Variants in FBLN2 observed in about 807,000 individuals in gnomAD.
The protein encoded by FBLN2 is fibulin-2.
In FBLN2, 81 loss-of-function variants were observed where a neutral mutation model predicts 123.7. That is an observed-to-expected ratio of 0.65 (90% confidence interval 0.55 to 0.79). FBLN2 has a LOEUF of 0.79. FBLN2 is among the 30% of genes least tolerant of loss of function. The pLI is 0.00. For missense variants in FBLN2, 1,603 were observed against 1,681.3 expected (o/e 0.95, Z 0.81); for synonymous variants, 699 against 701.4 (o/e 1.00, Z 0.05).
At chr3:13,606,185 C>T (rs1389808042) in intron 2 of FBLN2, among the ~76,000 whole-genome samples, 1 of 152,218 alleles carries the variant, frequency 6.6e-6, no homozygotes, top group African/African-American at 2.4e-5. Context: ...AGGCGTGAAC[C>T]ACCACATCTG....
intron 2 of FBLN2, among the ~76,000 whole-genome samples, chr3:13,575,485 C>T (rs1487013825): frequency 6.6e-6 from 1 of 152,172 alleles, no homozygotes; most frequent in South Asian, 2.1e-4. Flanking sequence ...TTTGCTGGGT[C>T]CCCTGCCAGA....
rs568334539 is a variant in FBLN2 at position 13,625,214 on chromosome 3, G to A, written c.2297-1231G>A. 3.3e-5 allele frequency among the ~76,000 whole-genome samples: 5 copies of A among 151,162 alleles called. No homozygotes were observed. In the South Asian group the frequency reaches 1.0e-3, roughly 32 times the overall value. ...TCTGTGGCCCGGGGGTGGTTTCTGA[G>A]TTGGTGGCCTCTGTGGCCTGGGGGT... is the stretch of plus-strand genomic sequence containing the variant. On this transcript the variant is annotated intron_variant, in intron 9 of 17. Coordinates refer to ENST00000404922, the MANE Select transcript of FBLN2 (RefSeq NM_001004019.2).
intron 1 of FBLN2, among the ~76,000 whole-genome samples, chr3:13,556,337 GGA>G (rs368626795): frequency 6.6e-6 from 1 of 151,468 alleles, no homozygotes; most frequent in Non-Finnish European, 1.5e-5. Context: ...AGCGGCGGAC[GGA>G]GAGAGAGAGA....
rs562942540 is a variant in FBLN2 at position 13,604,935 on chromosome 3, A to G, written c.1307-3127A>G. Among the ~76,000 whole-genome samples, 170 of 152,338 alleles carry G rather than the reference A, an allele frequency of 1.1e-3. 1 individual carries two copies. In the South Asian group the frequency reaches 0.032, roughly 29 times the overall value. On this transcript the variant is annotated intron_variant, in intron 2 of 17. Coordinates refer to ENST00000404922, the MANE Select transcript of FBLN2 (RefSeq NM_001004019.2). The stretch of plus-strand genomic sequence containing the variant: ...GCAGGTGCCGTCCTTCACGGCATCT[A>G]TCCCTCAGCCCTGTGCCCTTACGTG...
chr3:13,601,612 G>T (rs567718456), intron 2 of FBLN2, among the ~76,000 whole-genome samples: 2 of 152,326 alleles, frequency 1.3e-5, no homozygotes, highest in African/African-American at 4.8e-5. Context: ...GTTGCCCAGG[G>T]TCTCCTAGAT....
intron 12 of FBLN2, 26 bp from the exon 13 acceptor site, chr3:13,629,138 C>T (rs1290988498): frequency 3.7e-6 from 6 of 1,612,640 alleles, no homozygotes; most frequent in Non-Finnish European, 3.4e-6. Flanking sequence ...CCCCAGGCCT[C>T]AAGGTACCCT....
At chr3:13,550,919 T>A (rs2122498) in intron 1 of FBLN2, among the ~76,000 whole-genome samples, 147,923 of 152,340 alleles carry the variant, frequency 0.97, 71,839 homozygotes, top group East Asian at 1. Flanking sequence ...ATTAGCTGCC[T>A]GCATTTACAA....
rs752085624 is a variant in FBLN2 at position 13,634,242 on chromosome 3, C to G, written c.3215-2203C>G. On this transcript the variant is annotated intron_variant, in intron 16 of 17. Transcript: ENST00000404922. Reference sequence around the variant, plus strand: ...TTTTGCACATCTGAGTTGCGGCTGACCCTGGCTGTCTCTGATGAGGCTGTG... The same window carrying G: ...TTTTGCACATCTGAGTTGCGGCTGAGCCTGGCTGTCTCTGATGAGGCTGTG... 4.6e-5 allele frequency among the ~76,000 whole-genome samples: 7 copies of G among 152,356 alleles called. No individual in the cohort carries two copies. In the Middle Eastern group the frequency reaches 0.01, roughly 222 times the overall value.
In FBLN2 at chr3:13,573,894, CAAAAAAAAAAA is replaced by C. The variant is rs34768387; in HGVS notation, c.1306+2245_1306+2255del. Among the ~76,000 whole-genome samples the C allele has an allele frequency of 5.5e-5, 4 of 72,920 alleles. No homozygotes were observed. The East Asian group carries it at 1.5e-3, about 27-fold the overall frequency. 47.8% of individuals were successfully genotyped at this position (72,920 alleles called of 152,430 possible). ...CAGCCTGGGCGACAAGAGTGAAACT[CAAAAAAAAAAA>C]AAAAAAAAAAAGGGAACCACTGTGA... On this transcript the variant is annotated intron_variant, in intron 2 of 17. Transcript: ENST00000404922.
chr3:13,586,875 C>T (rs1189366926), intron 2 of FBLN2, among the ~76,000 whole-genome samples: 2 of 150,766 alleles, frequency 1.3e-5, no homozygotes, highest in Middle Eastern at 3.2e-3. Context: ...AGGCTGGGTG[C>T]GGTGGCTTAT....
At chr3:13,607,788 C>G (rs1332812659) in intron 2 of FBLN2, among the ~76,000 whole-genome samples, 1 of 152,100 alleles carries the variant, frequency 6.6e-6, no homozygotes, top group Non-Finnish European at 1.5e-5. Context: ...TGAGTGGCCC[C>G]CATAGAACTG....
chr3:13,552,597 G>C (rs1026157028), intron 1 of FBLN2, among the ~76,000 whole-genome samples: 1 of 152,142 alleles, frequency 6.6e-6, no homozygotes, highest in African/African-American at 2.4e-5. Context: ...CAGAGGCGCT[G>C]CTCCTGTATG....
chr3:13,606,322 A>C (rs1705202086), intron 2 of FBLN2, among the ~76,000 whole-genome samples: 1 of 152,238 alleles, frequency 6.6e-6, no homozygotes, highest in South Asian at 2.1e-4. Context: ...ATATGTCAGC[A>C]GTCTATTATA....
chr3:13,614,209 G>C (rs1419719906), intron 5 of FBLN2, 45 bp downstream of exon 5: 1 of 1,578,588 alleles, frequency 6.3e-7, no homozygotes, highest in African/African-American at 1.3e-5. Flanking sequence ...GGCGAAGGCT[G>C]GTTGACCTCT....
rs372642874 is a variant in FBLN2 at position 13,570,498 on chromosome 3, C to T, written c.143C>T (p.Ala48Val). ...CCGCTGGAGAACTGCATTGAGGAGG[C>T]GCTGGAGCCGGGTGCCTGCTGTGCC... Reference protein sequence around the residue: ...CPPLENCIEEALEPGACCATC... With the variant: ...CPPLENCIEEVLEPGACCATC... Residue 48 changes from alanine to valine, a missense_variant, in exon 2 of 18, where the codon GCG becomes GTG. Transcript: ENST00000404922. The T allele has an allele frequency of 6.1e-5, 96 of 1,584,390 alleles. 1 individual carries two copies. The highest frequency in any genetic ancestry group is 3.0e-4 in the South Asian group (26 of 86,698).
intron 7 of FBLN2, 46 bp downstream of exon 7, chr3:13,619,063 G>A: frequency 6.7e-7 from 1 of 1,481,694 alleles, no homozygotes; most frequent in Non-Finnish European, 9.3e-7. Context: ...CAGGGTCCAG[G>A]GGGTGGGTCT....
At chr3:13,613,429 A>G (rs1320354910) in intron 4 of FBLN2, among the ~76,000 whole-genome samples, 4 of 152,236 alleles carry the variant, frequency 2.6e-5, no homozygotes, top group Non-Finnish European at 4.4e-5. Flanking sequence ...GTAGATCTAC[A>G]TCTTTAGGAA....
Position 13,609,485 on chromosome 3 carries a change from G to A in FBLN2, c.1419-28G>A, listed in dbSNP as rs564983753. On this transcript the variant is annotated intron_variant, in intron 3 of 17. Transcript: ENST00000404922. The stretch of plus-strand genomic sequence containing the variant: ...CTCTGGGAGGATGAGGTGGGCGACT[G>A]GGGGCTAAGTTACCCCCTCTGTTTC... 26 of 1,521,540 alleles carry A rather than the reference G, an allele frequency of 1.7e-5. No individual in the cohort carries two copies. The Admixed American group carries it at 2.2e-4, about 13-fold the overall frequency. The allele number at this position is 1,521,540 out of a possible 1,614,324, so 94.3% of individuals were successfully genotyped here.
intron 8 of FBLN2, among the ~76,000 whole-genome samples, chr3:13,620,531 G>A (rs1010778320): frequency 1.5e-4 from 23 of 152,220 alleles, no homozygotes; most frequent in African/African-American, 5.3e-4. Context: ...TCTGGGTCTT[G>A]TCTTTGTGGG....
Sources: gnomAD v4.1 joint callset for allele counts (sites outside exome capture counted in the v4.1 genomes callset) on GRCh38, gnomAD v4.1.1 for gene constraint, MANE v1.5 for transcripts, NCBI Gene and HGNC (gene_info 2026-07-23, HGNC 2026-07-21) for gene names.